RNF169: variants seen among roughly 807,000 people sequenced by gnomAD.
The protein encoded by RNF169 is ring finger protein 169, also known as E3 ubiquitin-protein ligase RNF169.
RNF169 carries 24 observed loss-of-function variants against 53.9 expected under a neutral mutation model. That is an observed-to-expected ratio of 0.45 (90% CI 0.32 to 0.63). The LOEUF (loss-of-function observed/expected upper bound fraction) is 0.63. Ranked by LOEUF, RNF169 falls within the 20% of genes least tolerant of loss-of-function variation. RNF169 has a pLI of 0.04. For synonymous variants in RNF169, 396 were observed against 363.5 expected (o/e 1.09, Z -1.02); for missense variants, 883 against 906.2 (o/e 0.97, Z 0.33).
intron 1 of RNF169, among the ~76,000 whole-genome samples, chr11:74,764,889 A>G (rs773921709): frequency 9.2e-5 from 14 of 152,232 alleles, no homozygotes; most frequent in Non-Finnish European, 1.6e-4. Flanking sequence ...ATATTGATCA[A>G]CTTTAGGCTT....
At chr11:74,819,910 C>G (rs1244736647) in intron 4 of RNF169, among the ~76,000 whole-genome samples, 1 of 152,130 alleles carries the variant, frequency 6.6e-6, no homozygotes, top group Non-Finnish European at 1.5e-5. Flanking sequence ...CGTGCAGATA[C>G]TTTTAAGCCT....
rs1185161494 is a variant in RNF169, at chr11:74,841,412, G to T, written c.*4682G>T. 1 of 152,168 alleles carries T rather than the reference G, an allele frequency of 6.6e-6. No individual in the cohort carries two copies. Among genetic ancestry groups the T allele is most frequent in the Non-Finnish European group, 1.5e-5 (1 of 68,028 alleles). 9.4% of individuals were successfully genotyped at this position (152,168 alleles called of 1,614,324 possible). A position where few individuals can be genotyped will look rare whatever the true frequency, so the allele number is the denominator to read the frequency against. On this transcript the variant is annotated 3_prime_UTR_variant, in exon 6 of 6. Transcript: ENST00000299563. ...TTAGCTGCTGTAGCTTTCTGAAGAA[G>T]ATTGTAGAAAAGAGACTAAGATATA...
chr11:74,826,810 C>T (rs2036104540), intron 4 of RNF169, among the ~76,000 whole-genome samples: 1 of 152,220 alleles, frequency 6.6e-6, no homozygotes, highest in African/African-American at 2.4e-5. Context: ...CCATGTCTCA[C>T]ATTCAGGTCA....
Position 74,765,329 on chromosome 11 carries a change from G to A in RNF169, c.502+15947G>A, listed in dbSNP as rs78202239. On this transcript the variant is annotated intron_variant, in intron 1 of 5. Transcript: ENST00000299563. Reference sequence around the variant, plus strand: ...TTTTAAACTAATATGCAACATTTACGTAATTTTCCTAGATTCATTTAGGCA... The same window carrying A: ...TTTTAAACTAATATGCAACATTTACATAATTTTCCTAGATTCATTTAGGCA... Among the ~76,000 whole-genome samples the A allele has an allele frequency of 9.2e-5, 14 of 152,222 alleles. No homozygotes were observed. In the East Asian group the frequency reaches 2.1e-3, roughly 23 times the overall value.
At chr11:74,754,376 A>G (rs1796300185) in intron 1 of RNF169, among the ~76,000 whole-genome samples, 1 of 152,238 alleles carries the variant, frequency 6.6e-6, no homozygotes, top group Non-Finnish European at 1.5e-5. Flanking sequence ...TACTGCTTTT[A>G]GATTTGAAAC....
At chr11:74,753,259 G>A (rs577058973) in intron 1 of RNF169, among the ~76,000 whole-genome samples, 36 of 152,136 alleles carry the variant, frequency 2.4e-4, no homozygotes, top group African/African-American at 8.0e-4. Context: ...GTGAGCCACC[G>A]CGCCCAGCCT....
chr11:74,778,872 ATATCGGT>A (rs2035376065), intron 1 of RNF169, among the ~76,000 whole-genome samples: 2 of 152,174 alleles, frequency 1.3e-5, no homozygotes, highest in African/African-American at 4.8e-5. Flanking sequence ...TGTGTCCACC[ATATCGGT>A]TATTCTCAGG....
At chr11:74,812,408 C>CCT (rs1475796981) in intron 3 of RNF169, among the ~76,000 whole-genome samples, 1 of 152,116 alleles carries the variant, frequency 6.6e-6, no homozygotes, top group Non-Finnish European at 1.5e-5. Context: ...AATTCTCTCT[C>CCT]CTCAGCCTCC....
chr11:74,792,748 G>T (rs1212291451), intron 2 of RNF169, among the ~76,000 whole-genome samples: 3 of 152,184 alleles, frequency 2.0e-5, no homozygotes, highest in African/African-American at 7.2e-5. Context: ...AAACCTTGAG[G>T]AACTGTCATT....
intron 1 of RNF169, among the ~76,000 whole-genome samples, chr11:74,771,571 G>A (rs1299734316): frequency 2.0e-5 from 3 of 152,096 alleles, no homozygotes; most frequent in Non-Finnish European, 4.4e-5. Flanking sequence ...AGGTATGTTG[G>A]TGCACACCTA....
At position 74,817,649 on chromosome 11, in the gene RNF169, G is replaced by C; in HGVS notation, c.777G>C (p.Met259Ile). The C allele has an allele frequency of 6.2e-7, 1 of 1,614,128 alleles. No individual in the cohort carries two copies. The highest frequency in any genetic ancestry group is 8.5e-7 in the Non-Finnish European group (1 of 1,179,966). ...SENEEPSRGQ[M>I]TQTHRSAFVS... ...ATGAAGAACCTTCTCGAGGCCAGAT[G>C]ACACAGACACATCGCTCGGCATTTG... The change falls in exon 4 of 6, where the codon ATG (methionine) becomes ATC (isoleucine). Residue 259 changes from methionine (M) to isoleucine (I), a missense_variant. By Grantham distance (10) the Met-to-Ile change is conservative. Coordinates refer to ENST00000299563, the MANE Select transcript of RNF169 (RefSeq NM_001098638.2).
chr11:74,836,118 C>T lies in RNF169; in HGVS notation c.1515C>T (p.Pro505=). 1 of 1,614,172 alleles carries T rather than the reference C, an allele frequency of 6.2e-7. No individual in the cohort carries two copies. The highest frequency in any genetic ancestry group is 8.5e-7 in the Non-Finnish European group (1 of 1,180,030). ...CCTCTGCTGATCTTGATCATTTCCC[C>T]TCTGTTAGCCAAACAAAAGCAGAAC... is the stretch of plus-strand genomic sequence containing the variant. ...GPTSADLDHF[P]SVSQTKAEQD... Residue 505 remains proline, a synonymous_variant, in exon 6 of 6, where the codon CCC becomes CCT. Transcript: ENST00000299563.
Position 74,815,852 on chromosome 11 carries a change from A to C in RNF169, c.724-1744A>C, listed in dbSNP as rs2135125353. Among the ~76,000 whole-genome samples the C allele has an allele frequency of 5.3e-5, 8 of 152,304 alleles. No individual in the cohort carries two copies. In the South Asian group the frequency reaches 1.7e-3, roughly 32 times the overall value. ...TTTACTTGGTACTGATTTAATTATGAAGAGAGGTTTATATAGACAGAAATT... is the reference window on the plus strand; with the variant it reads ...TTTACTTGGTACTGATTTAATTATGCAGAGAGGTTTATATAGACAGAAATT... On this transcript the variant is annotated intron_variant, in intron 3 of 5. Transcript: ENST00000299563.
At position 74,801,742 on chromosome 11, in the gene RNF169, A is replaced by T. The variant is rs373915210; in HGVS notation, c.577-8442A>T. 1.2e-4 allele frequency among the ~76,000 whole-genome samples: 18 copies of T among 152,376 alleles called. 1 individual carries two copies. The East Asian group carries it at 3.3e-3, about 28-fold the overall frequency. The stretch of plus-strand genomic sequence containing the variant: ...TGGGAGGATCACTGGAGCCTTGGCA[A>T]CATAGTGAGACTCTGTCTCTAAAAA... On this transcript the variant is annotated intron_variant, in intron 2 of 5. Transcript: ENST00000299563.
At chr11:74,831,114 C>T (rs1422918183) in intron 4 of RNF169, 3 of 152,110 alleles carry the variant, frequency 2.0e-5, no homozygotes, top group Non-Finnish European at 4.4e-5. Context: ...CTACTGTTGC[C>T]ACTTCTGTTC....
intron 1 of RNF169, among the ~76,000 whole-genome samples, chr11:74,782,633 A>C (rs1382270049): frequency 6.6e-6 from 1 of 152,216 alleles, no homozygotes; most frequent in Non-Finnish European, 1.5e-5. Flanking sequence ...CCCTTATGGC[A>C]TGTTGAAATA....
intron 2 of RNF169, among the ~76,000 whole-genome samples, chr11:74,802,208 C>G (rs2035740887): frequency 6.6e-6 from 1 of 152,102 alleles, no homozygotes; most frequent in Non-Finnish European, 1.5e-5. Flanking sequence ...CCCTATAAGC[C>G]CTATACCCAT....
intron 2 of RNF169, among the ~76,000 whole-genome samples, chr11:74,800,554 T>A (rs2035714823): frequency 6.6e-6 from 1 of 152,216 alleles, no homozygotes; most frequent in South Asian, 2.1e-4. Flanking sequence ...CTTATAGGGT[T>A]ATTGTAAAAT....
In RNF169 at chr11:74,749,128, GC is replaced by G; in HGVS notation, c.249del (p.Cys83TrpfsTer95). 7.5e-7 allele frequency: 1 copy of G among 1,341,682 alleles called. No homozygotes were observed. The highest frequency in any genetic ancestry group is 1.9e-5 in the South Asian group (1 of 53,650). 83.1% of individuals were successfully genotyped at this position (1,341,682 alleles called of 1,614,324 possible). A position where few individuals can be genotyped will look rare whatever the true frequency, so the allele number is the denominator to read the frequency against. Reference sequence around the variant, plus strand: ...CCCGGAGAAGCAGCGGCCCTGCCGTGCGGCCACTCGCTTTGCCGAGGCTGCG... The same window carrying G: ...CCCGGAGAAGCAGCGGCCCTGCCGTGGGCCACTCGCTTTGCCGAGGCTGCG... Reference protein sequence around the residue: ...EPPGEAAALPCGHSLCRGCAQ... With the variant: ...EPPGEAAALPXGHSLCRGCAQ... On this transcript the variant is annotated frameshift_variant, in exon 1 of 6. Transcript: ENST00000299563. LOFTEE classifies it high-confidence loss of function.
Sources: allele counts gnomAD v4.1 joint callset (sites outside exome capture counted in the v4.1 genomes callset), GRCh38; gene constraint gnomAD v4.1.1; transcripts MANE v1.5; gene names NCBI Gene and HGNC (gene_info 2026-07-23, HGNC 2026-07-21).